The following ITGAV variants were observed in gnomAD, a reference collection of about 807,000 sequenced individuals.
The protein encoded by ITGAV is integrin subunit alpha V, also known as integrin alpha-V.
Under a neutral mutation model 143.8 loss-of-function variants are expected in ITGAV, and 76 were observed. The ratio of observed to expected loss-of-function variants is 0.53; its 90% CI spans 0.44 to 0.64. The LOEUF is 0.64. ITGAV is among the 30% of genes least tolerant of loss of function. The pLI is 0.00. For synonymous variants in ITGAV, 453 were observed against 446.7 expected (o/e 1.01, Z -0.18); for missense variants, 1,193 against 1,274.7 (o/e 0.94, Z 0.98).
At chr2:186,608,095 G>A (rs1052666140) in intron 2 of ITGAV, among the ~76,000 whole-genome samples, 1 of 152,194 alleles carries the variant, frequency 6.6e-6, no homozygotes, top group Non-Finnish European at 1.5e-5. Context: ...ACCTGGCGGG[G>A]CAAAGAGAAG....
chr2:186,620,077 A>G (rs960403998), intron 2 of ITGAV, among the ~76,000 whole-genome samples: 4 of 152,196 alleles, frequency 2.6e-5, no homozygotes, highest in African/African-American at 7.2e-5. Context: ...ACAACTCACA[A>G]TTCTCTTAAA....
intron 2 of ITGAV, among the ~76,000 whole-genome samples, chr2:186,613,773 A>G (rs3768780): frequency 0.7 from 106,131 of 151,980 alleles, 37,439 homozygotes; most frequent in East Asian, 0.85. Context: ...TCTTAAATCA[A>G]TTAACAAACT....
intron 2 of ITGAV, among the ~76,000 whole-genome samples, chr2:186,611,965 G>A (rs1247406373): frequency 6.6e-6 from 1 of 152,118 alleles, no homozygotes; most frequent in African/African-American, 2.4e-5. Context: ...AAGTAATTGC[G>A]ATTTTTGCCA....
chr2:186,640,850 C>T, intron 10 of ITGAV, 65 bp from the exon 11 acceptor site: 1 of 1,289,850 alleles, frequency 7.8e-7, no homozygotes, highest in Non-Finnish European at 1.1e-6. Context: ...ACATATATTA[C>T]AAATGTTAAT....
intron 8 of ITGAV, 30 bp downstream of exon 8, chr2:186,637,139 T>C: frequency 6.4e-7 from 1 of 1,555,170 alleles, no homozygotes. Flanking sequence ...TATCTAATCT[T>C]TAAAAAAATT....
chr2:186,654,442 T>C (rs1311442119), intron 15 of ITGAV, among the ~76,000 whole-genome samples: 1 of 152,066 alleles, frequency 6.6e-6, no homozygotes, highest in Non-Finnish European at 1.5e-5. Context: ...TTCATCAAGG[T>C]ACCATGAAAG....
chr2:186,637,276 G>T (rs905640739), intron 8 of ITGAV, among the ~76,000 whole-genome samples, 167 bp downstream of exon 8: 2 of 152,140 alleles, frequency 1.3e-5, no homozygotes, highest in Middle Eastern at 3.4e-3. Flanking sequence ...GAGCCCTGGA[G>T]TTCAAGAACA....
rs200671949 is a variant in ITGAV at position 186,667,207 on chromosome 2, T to A, written c.2304T>A (p.Val768=). Residue 768 remains valine, a synonymous_variant, in exon 23 of 30, where the codon GTT becomes GTA. Transcript: ENST00000261023. The part of the protein sequence containing the change: ...PVVSHKVDLA[V]LAAVEIRGVS... ...TATCTCACAAAGTTGATCTTGCTGT[T>A]TTAGCTGCAGTTGAGATAAGAGGGT... 4 of 1,612,182 alleles carry A rather than the reference T, an allele frequency of 2.5e-6. No individual in the cohort carries two copies. In the South Asian group the frequency reaches 4.4e-5, roughly 18 times the overall value.
At chr2:186,600,501 C>G (rs1470510234) in intron 1 of ITGAV, 9 of 1,338,392 alleles carry the variant, frequency 6.7e-6, no homozygotes, top group Non-Finnish European at 9.2e-6. Flanking sequence ...TCTTTCCCCT[C>G]TCATCCTTAG....
intron 18 of ITGAV, among the ~76,000 whole-genome samples, chr2:186,662,290 T>A (rs191173175): frequency 1.8e-3 from 271 of 152,312 alleles, no homozygotes; most frequent in African/African-American, 5.8e-3. Context: ...CTTCTAATAG[T>A]CCTTTTTTAA....
intron 26 of ITGAV, among the ~76,000 whole-genome samples, chr2:186,672,400 G>T (rs1689092244): frequency 6.6e-6 from 1 of 152,118 alleles, no homozygotes. Context: ...AAATTTCCAT[G>T]TAAACATGTT....
chr2:186,667,072 A>G, intron 22 of ITGAV, 78 bp from the exon 23 acceptor site: 1 of 1,025,518 alleles, frequency 9.8e-7, no homozygotes, highest in Non-Finnish European at 1.4e-6. Context: ...GTTAATTTTT[A>G]GTTTCACTGG....
intron 1 of ITGAV, among the ~76,000 whole-genome samples, chr2:186,598,871 C>T (rs1238705310): frequency 5.9e-5 from 9 of 152,004 alleles, no homozygotes; most frequent in Non-Finnish European, 8.8e-5. Context: ...TTAAATAGGG[C>T]GTGGTTTGGT....
chr2:186,676,079 A>T, intron 28 of ITGAV, 152 bp downstream of exon 28: 1 of 593,854 alleles, frequency 1.7e-6, no homozygotes, highest in Non-Finnish European at 3.0e-6. Context: ...GTTTAATATT[A>T]TCATTTTACT....
Position 186,640,896 on chromosome 2 carries a change from T to G in ITGAV, c.904-19T>G. 1 of 1,570,692 alleles carries G rather than the reference T, an allele frequency of 6.4e-7. No individual in the cohort carries two copies. The highest frequency in any genetic ancestry group is 2.3e-5 in the East Asian group (1 of 43,914). ...AATTGGATGAAATATAAACATTTCA[T>G]TTTCATCTTTTTATCCAGATGGCTG... On this transcript the variant is annotated intron_variant, in intron 10 of 29. Coordinates refer to ENST00000261023, the MANE Select transcript of ITGAV (RefSeq NM_002210.5).
rs950679278 is a variant in ITGAV, at chr2:186,636,966, G to T, written c.758-99G>T. ...GGGGACAAAATATTGCATAAGTAAAGGAGTTTCTTGAAAATATTTTCAAGG... is the reference window on the plus strand; with the variant it reads ...GGGGACAAAATATTGCATAAGTAAATGAGTTTCTTGAAAATATTTTCAAGG... On this transcript the variant is annotated intron_variant, in intron 7 of 29. Coordinates refer to ENST00000261023, the MANE Select transcript of ITGAV (RefSeq NM_002210.5). The T allele has an allele frequency of 3.3e-6, 3 of 920,766 alleles. No individual in the cohort carries two copies. The African/African-American group carries it at 4.9e-5, about 15-fold the overall frequency. 57.0% of individuals were successfully genotyped at this position (920,766 alleles called of 1,614,324 possible).
At position 186,624,993 on chromosome 2, in the gene ITGAV, G is replaced by A. The variant is rs145581702; in HGVS notation, c.409-480G>A. On this transcript the variant is annotated intron_variant, in intron 3 of 29. Transcript: ENST00000261023. ...CTACAAATATGGCCTTCAGAATAAT[G>A]TGAGAAAAAGACTTCACTTAATATC... 1.3e-3 allele frequency among the ~76,000 whole-genome samples: 194 copies of A among 151,942 alleles called. 1 individual carries two copies. The highest frequency in any genetic ancestry group is 4.5e-3 in the African/African-American group (186 of 41,430).
chr2:186,677,572 A>G lies in ITGAV; in HGVS notation c.*280A>G, dbSNP rs1488053874. The stretch of plus-strand genomic sequence containing the variant: ...ATGTATATAAGACAGGTAGTGCCTG[A>G]TTTACTACTTTATATAAAATAGTAC... On this transcript the variant is annotated 3_prime_UTR_variant, in exon 30 of 30. Transcript: ENST00000261023. 8.3e-6 allele frequency: 2 copies of G among 241,148 alleles called. No homozygotes were observed. The highest frequency in any genetic ancestry group is 1.7e-4 in the East Asian group (2 of 11,696). 14.9% of individuals were successfully genotyped at this position (241,148 alleles called of 1,614,324 possible). A position where few individuals can be genotyped will look rare whatever the true frequency, so the allele number is the denominator to read the frequency against.
At chr2:186,657,782 AC>A (rs1256690743) in intron 17 of ITGAV, among the ~76,000 whole-genome samples, 1 of 152,114 alleles carries the variant, frequency 6.6e-6, no homozygotes, top group Admixed American at 6.6e-5. Context: ...TCTTAGAAAA[AC>A]AATACAACTG....
Sources: allele counts gnomAD v4.1 joint callset (sites outside exome capture counted in the v4.1 genomes callset), GRCh38; gene constraint gnomAD v4.1.1; transcripts MANE v1.5; gene names NCBI Gene and HGNC (gene_info 2026-07-23, HGNC 2026-07-21).